The following PLPPR1 variants were observed in gnomAD, a reference collection of about 807,000 sequenced individuals.
The protein encoded by PLPPR1 is phospholipid phosphatase related 1.
PLPPR1 carries 10 observed loss-of-function variants against 33.1 expected under a neutral mutation model. The observed-to-expected ratio is 0.30, with a 90% CI of 0.19 to 0.51. PLPPR1 has a LOEUF of 0.51. PLPPR1 is among the 20% of genes least tolerant of loss of function. PLPPR1 has a pLI of 0.97. For synonymous variants in PLPPR1, 151 were observed against 151.0 expected (o/e 1.00, Z 0.00); for missense variants, 304 against 408.1 (o/e 0.74, Z 2.20).
At chr9:101,188,854 A>T in intron 2 of PLPPR1, among the ~76,000 whole-genome samples, 2 of 152,198 alleles carry the variant, frequency 1.3e-5, no homozygotes, top group South Asian at 4.1e-4. Flanking sequence ...TCGAGCTCTT[A>T]TATGTCATCC....
chr9:101,266,065 T>A (rs1354632334), intron 2 of PLPPR1, among the ~76,000 whole-genome samples: 2 of 152,044 alleles, frequency 1.3e-5, no homozygotes, highest in African/African-American at 4.8e-5. Flanking sequence ...GTTGTTCTAT[T>A]TCTGCTTCTG....
intron 1 of PLPPR1, among the ~76,000 whole-genome samples, chr9:101,152,389 G>C (rs1259764706): frequency 2.0e-5 from 3 of 152,176 alleles, no homozygotes; most frequent in Non-Finnish European, 2.9e-5. Flanking sequence ...CTGTGCAGAA[G>C]CTCTTGAGTT....
chr9:101,211,804 T>C (rs573160919), intron 2 of PLPPR1, among the ~76,000 whole-genome samples: 1 of 152,332 alleles, frequency 6.6e-6, no homozygotes, highest in East Asian at 1.9e-4. Flanking sequence ...TAAATGATAA[T>C]AGCTAACAGC....
At chr9:101,266,923 C>T (rs376449107) in intron 2 of PLPPR1, among the ~76,000 whole-genome samples, 17 of 152,108 alleles carry the variant, frequency 1.1e-4, no homozygotes, top group East Asian at 7.7e-4. Flanking sequence ...CCTCTTCCTA[C>T]GAAAGAGGAA....
chr9:101,245,517 T>G (rs1425636273), intron 2 of PLPPR1, among the ~76,000 whole-genome samples: 1 of 152,044 alleles, frequency 6.6e-6, no homozygotes, highest in Non-Finnish European at 1.5e-5. Flanking sequence ...GAAGTCTCTG[T>G]GTCATTGATG....
intron 3 of PLPPR1, among the ~76,000 whole-genome samples, chr9:101,277,417 G>T (rs946571628): frequency 6.6e-6 from 1 of 152,148 alleles, no homozygotes; most frequent in Non-Finnish European, 1.5e-5. Context: ...TTGCTTTCAG[G>T]GAAGGTTACT....
chr9:101,310,046 C>T (rs367942056), intron 5 of PLPPR1, among the ~76,000 whole-genome samples: 25 of 152,326 alleles, frequency 1.6e-4, no homozygotes, highest in Middle Eastern at 6.8e-3. Context: ...TCCCCCAGAT[C>T]GCACAGCCAT....
At chr9:101,236,533 A>AATTC (rs1420675233) in intron 2 of PLPPR1, among the ~76,000 whole-genome samples, 42 of 94,268 alleles carry the variant, frequency 4.5e-4, no homozygotes, top group African/African-American at 2.7e-3. Flanking sequence ...TCTCTCTCTA[A>AATTC]ACTCACACAC....
chr9:101,260,503 G>A (rs529922618), intron 2 of PLPPR1, among the ~76,000 whole-genome samples: 1 of 152,280 alleles, frequency 6.6e-6, no homozygotes, highest in South Asian at 2.1e-4. Context: ...AACTGACCAG[G>A]TATGGCGTGA....
chr9:101,261,038 T>C (rs1454380488), intron 2 of PLPPR1, among the ~76,000 whole-genome samples: 1 of 152,162 alleles, frequency 6.6e-6, no homozygotes, highest in Non-Finnish European at 1.5e-5. Context: ...TGAGTACTTA[T>C]CAAGTGCCAG....
chr9:101,214,662 C>T (rs1450596171), intron 2 of PLPPR1, among the ~76,000 whole-genome samples: 1 of 152,120 alleles, frequency 6.6e-6, no homozygotes, highest in East Asian at 1.9e-4. Context: ...CAACCCTATG[C>T]TCTCAAAACT....
chr9:101,181,820 A>G (rs1025491408), intron 1 of PLPPR1, among the ~76,000 whole-genome samples: 19 of 148,734 alleles, frequency 1.3e-4, no homozygotes, highest in Non-Finnish European at 2.4e-4. Flanking sequence ...TTAATAATTG[A>G]CACCTAGGTA....
At chr9:101,146,656 C>G (rs1831524962) in intron 1 of PLPPR1, among the ~76,000 whole-genome samples, 1 of 152,182 alleles carries the variant, frequency 6.6e-6, no homozygotes. Flanking sequence ...TCCCTTACTC[C>G]CCAGTAAGGG....
intron 5 of PLPPR1, among the ~76,000 whole-genome samples, chr9:101,311,901 G>A (rs1331194413): frequency 1.3e-5 from 2 of 152,100 alleles, no homozygotes; most frequent in African/African-American, 4.8e-5. Flanking sequence ...TACTACCAAA[G>A]GTTAGCTAAA....
intron 7 of PLPPR1, among the ~76,000 whole-genome samples, chr9:101,319,466 CTTGGGGGGG>C (rs1376333632): frequency 1.3e-5 from 2 of 151,162 alleles, no homozygotes; most frequent in Non-Finnish European, 2.9e-5. Context: ...GAGGGCGGGG[CTTGGGGGGG>C]TTGGAACAAG....
chr9:101,231,588 C>A (rs1201774851), intron 2 of PLPPR1, among the ~76,000 whole-genome samples: 1 of 151,944 alleles, frequency 6.6e-6, no homozygotes, highest in African/African-American at 2.4e-5. Flanking sequence ...ATCTGATGAC[C>A]TTTTTCTTTC....
intron 2 of PLPPR1, among the ~76,000 whole-genome samples, chr9:101,236,755 C>T (rs1267543171): frequency 1.3e-5 from 2 of 151,590 alleles, no homozygotes; most frequent in Non-Finnish European, 3.0e-5. Context: ...TGTGAACATT[C>T]AAAATCCTCT....
intron 1 of PLPPR1, among the ~76,000 whole-genome samples, chr9:101,172,193 G>A (rs12344899): frequency 0.16 from 24,451 of 151,954 alleles, 2,012 homozygotes; most frequent in Non-Finnish European, 0.19. Flanking sequence ...TGGGCCATGG[G>A]TCGTGCTGTC....
At chr9:101,195,481 G>A (rs1826377786) in intron 2 of PLPPR1, among the ~76,000 whole-genome samples, 1 of 152,020 alleles carries the variant, frequency 6.6e-6, no homozygotes, top group Non-Finnish European at 1.5e-5. Flanking sequence ...AATTTATATA[G>A]TAAGTGGTGC....
Sources: allele counts gnomAD v4.1 joint callset (sites outside exome capture counted in the v4.1 genomes callset), GRCh38; gene constraint gnomAD v4.1.1; transcripts MANE v1.5; gene names NCBI Gene and HGNC (gene_info 2026-07-23, HGNC 2026-07-21).